The following BORA variants were observed in gnomAD, a reference collection of about 807,000 sequenced individuals.
BORA encodes BORA aurora kinase A activator, also known as protein aurora borealis.
BORA carries 26 observed loss-of-function variants against 55.8 expected under a neutral mutation model. That is an observed-to-expected ratio of 0.47 (90% CI 0.34 to 0.65). BORA has a LOEUF of 0.65. Ranked by LOEUF, BORA falls within the 30% of genes least tolerant of loss-of-function variation. The probability of loss-of-function intolerance (pLI) is 0.01; values close to 1 mark genes in which losing one functional copy is unlikely to be tolerated. For missense variants in BORA, 568 were observed against 671.5 expected, an observed-to-expected ratio of 0.85 and a Z score of 1.70; for synonymous variants, 201 against 216.9, an observed-to-expected ratio of 0.93 and a Z score of 0.64.
Position 72,743,534 on chromosome 13 carries a change from C to T in BORA, c.389-3C>T, listed in dbSNP as rs2033078482. The T allele has an allele frequency of 5.6e-6, 9 of 1,601,930 alleles. No individual in the cohort carries two copies. Among genetic ancestry groups the T allele is most frequent in the Non-Finnish European group, 6.8e-6 (8 of 1,171,910 alleles). The stretch of plus-strand genomic sequence containing the variant: ...AGGATTTTTCACTTAAAATGTCTTA[C>T]AGGCACTAACATAAATAGTGACTCT... On this transcript the variant is annotated splice_polypyrimidine_tract_variant and splice_region_variant and intron_variant, in intron 5 of 11. Coordinates refer to ENST00000390667, the MANE Select transcript of BORA (RefSeq NM_024808.5).
chr13:72,753,972 A>G (rs1023574119), intron 11 of BORA, 151 bp downstream of exon 11: 2 of 807,618 alleles, frequency 2.5e-6, no homozygotes, highest in African/African-American at 3.5e-5. Context: ...TAACCTTTAA[A>G]TATTTTGGTT....
chr13:72,741,208 C>T (rs1285484164), intron 5 of BORA, among the ~76,000 whole-genome samples: 1 of 152,198 alleles, frequency 6.6e-6, no homozygotes, highest in Non-Finnish European at 1.5e-5. Flanking sequence ...TCTGACTACA[C>T]AGTATTAGAG....
At position 72,731,191 on chromosome 13, in the gene BORA, T is replaced by C. The variant is rs1490207067; in HGVS notation, c.154-90T>C. 1.6e-5 allele frequency: 12 copies of C among 751,148 alleles called. No homozygotes were observed. The African/African-American group carries it at 1.8e-4, about 11-fold the overall frequency. 46.5% of individuals were successfully genotyped at this position (751,148 alleles called of 1,614,324 possible). A position where few individuals can be genotyped will look rare whatever the true frequency, so the allele number is the denominator to read the frequency against. On this transcript the variant is annotated intron_variant, in intron 2 of 11. Coordinates refer to ENST00000390667, the MANE Select transcript of BORA (RefSeq NM_024808.5). ...CAAGCTTTAAAATATTTTCATATTA[T>C]AACCATTCATATTATTTCTCACATA...
intron 10 of BORA, among the ~76,000 whole-genome samples, chr13:72,748,251 T>C: frequency 6.6e-6 from 1 of 152,188 alleles, no homozygotes; most frequent in East Asian, 1.9e-4. Context: ...GTTAAGTAAA[T>C]TACCTAAAGT....
intron 4 of BORA, among the ~76,000 whole-genome samples, chr13:72,736,843 GTTCT>G (rs2032937864): frequency 6.8e-6 from 1 of 146,916 alleles, no homozygotes; most frequent in Non-Finnish European, 1.5e-5. Context: ...TTCTTAATTT[GTTCT>G]ACTCCTATTA....
Position 72,727,932 on chromosome 13 carries a change from A to C in BORA, c.-91A>C. On this transcript the variant is annotated 5_prime_UTR_variant, in exon 1 of 12. An upstream start codon of the reference 5' UTR is lost. Transcript: ENST00000390667. ...GCGGAAGCGGGGAGTTAAAGAGTCT[A>C]TGCCTGTCGTGGAAGCTGGCCTGGC... The C allele has an allele frequency of 6.4e-7, 1 of 1,550,618 alleles. No homozygotes were observed. Among genetic ancestry groups the C allele is most frequent in the Non-Finnish European group, 8.7e-7 (1 of 1,146,986 alleles).
chr13:72,730,840 C>T (rs1409865034), intron 2 of BORA, among the ~76,000 whole-genome samples: 1 of 146,674 alleles, frequency 6.8e-6, no homozygotes, highest in Non-Finnish European at 1.5e-5. Flanking sequence ...GACTTGAAGT[C>T]AGGAGTTTGA....
chr13:72,742,691 A>G (rs1013788953), intron 5 of BORA, among the ~76,000 whole-genome samples: 2 of 151,966 alleles, frequency 1.3e-5, no homozygotes, highest in Admixed American at 1.3e-4. Context: ...GTTAATCACA[A>G]CAGCCAAGAT....
chr13:72,729,328 G>A (rs2032760567), intron 2 of BORA, among the ~76,000 whole-genome samples: 1 of 151,910 alleles, frequency 6.6e-6, no homozygotes, highest in Admixed American at 6.6e-5. Context: ...GCTTCCTGCA[G>A]TTGTGGGTGT....
chr13:72,737,846 G>T, intron 4 of BORA, 116 bp from the exon 5 acceptor site: 1 of 373,050 alleles, frequency 2.7e-6, no homozygotes, highest in Non-Finnish European at 4.7e-6. Flanking sequence ...TAAAATTTTT[G>T]CATACAGTTA....
chr13:72,742,866 CAT>C (rs2033064389), intron 5 of BORA, among the ~76,000 whole-genome samples: 3 of 151,406 alleles, frequency 2.0e-5, no homozygotes, highest in African/African-American at 7.3e-5. Flanking sequence ...TTTGTGACAA[CAT>C]ATATGAATCT....
chr13:72,755,000 GAATATTGATTTATAA>G, intron 11 of BORA, 136 bp from the exon 12 acceptor site: 1 of 607,242 alleles, frequency 1.6e-6, no homozygotes. Context: ...TTTTGATGCA[GAATATTGATTTATAA>G]AATACTGTAT....
In BORA at chr13:72,745,996, G is replaced by A; in HGVS notation, c.791G>A (p.Gly264Glu). The A allele has an allele frequency of 6.2e-7, 1 of 1,613,098 alleles. No individual in the cohort carries two copies. The highest frequency in any genetic ancestry group is 8.5e-7 in the Non-Finnish European group (1 of 1,179,224). The change falls in exon 9 of 12, where the codon GGA becomes GAA. Residue 264 changes from glycine to glutamate, a missense_variant. Transcript: ENST00000390667. Reference protein sequence around the residue: ...IQASAKKYSLGSITSPSPISS... With the variant: ...IQASAKKYSLESITSPSPISS... ...GCTAGTGCAAAAAAATACAGCTTGG[G>A]AAGCATAACTAGTCCTTCGCCTATT...
intron 4 of BORA, among the ~76,000 whole-genome samples, 154 bp downstream of exon 4, chr13:72,735,159 G>A (rs193254224): frequency 2.9e-4 from 44 of 152,214 alleles, no homozygotes; most frequent in African/African-American, 4.8e-5. Context: ...CTTCTGTACT[G>A]TCCTAAGACC....
chr13:72,729,177 C>A, intron 2 of BORA, 84 bp downstream of exon 2: 3 of 1,189,740 alleles, frequency 2.5e-6, no homozygotes, highest in African/African-American at 1.6e-5. Context: ...TCTGTCTTTA[C>A]AAGGTAAGGA....
chr13:72,747,193 T>A, intron 10 of BORA, 82 bp downstream of exon 10: 1 of 1,446,470 alleles, frequency 6.9e-7, no homozygotes. Flanking sequence ...ATAAGAAAGA[T>A]AATGGATTAA....
At position 72,753,354 on chromosome 13, in the gene BORA, G is replaced by C. The variant is rs532921650; in HGVS notation, c.1483-336G>C. 26 of 172,956 alleles carry C rather than the reference G, an allele frequency of 1.5e-4. No individual in the cohort carries two copies. In the South Asian group the frequency reaches 3.3e-3, roughly 22 times the overall value. 10.7% of individuals were successfully genotyped at this position (172,956 alleles called of 1,614,324 possible). On this transcript the variant is annotated intron_variant, in intron 10 of 11. Transcript: ENST00000390667. ...ATTTAGAGACAAGCCTGGAAAATGC[G>C]TTGGAAGGTGAAGTTAGTTGTAATA...
At chr13:72,730,106 A>G (rs1485129990) in intron 2 of BORA, among the ~76,000 whole-genome samples, 1 of 151,676 alleles carries the variant, frequency 6.6e-6, no homozygotes, top group Non-Finnish European at 1.5e-5. Context: ...ACTTTATCTT[A>G]TTTTACTGTT....
At chr13:72,744,459 G>C in intron 6 of BORA, 46 bp from the exon 7 acceptor site, 1 of 1,517,352 alleles carries the variant, frequency 6.6e-7, no homozygotes, top group Non-Finnish European at 9.1e-7. Flanking sequence ...TACTTTCATT[G>C]ATTTATCCCA....
Sources: gnomAD v4.1 joint callset for allele counts (sites outside exome capture counted in the v4.1 genomes callset) on GRCh38, gnomAD v4.1.1 for gene constraint, MANE v1.5 for transcripts, NCBI Gene and HGNC (gene_info 2026-07-23, HGNC 2026-07-21) for gene names.